DST: variants seen among roughly 807,000 people sequenced by gnomAD.
DST encodes bullous pemphigoid antigen.
DST carries 253 observed loss-of-function variants against 875.2 expected under a neutral mutation model. The ratio of observed to expected loss-of-function variants is 0.29; its 90% CI spans 0.26 to 0.32. The LOEUF (loss-of-function observed/expected upper bound fraction) is 0.32, where lower values mean the gene tolerates loss of function less well. Ranked by LOEUF, DST falls within the 10% of genes least tolerant of loss-of-function variation. The probability of loss-of-function intolerance (pLI) is 1.00; values close to 1 mark genes in which losing one functional copy is unlikely to be tolerated. For synonymous variants in DST, 3,124 were observed against 3,197.1 expected, an observed-to-expected ratio of 0.98 and a Z score of 0.77; for missense variants, 8,287 against 9,111.6, an observed-to-expected ratio of 0.91 and a Z score of 3.68.
rs374983858 is a variant in DST at position 56,628,166 on chromosome 6, G to C, written c.4476-5C>G. ...ATGCCCTCTAAGTCCCGTAACCTAA[G>C]AGAATAGTAACCGAATAGTCACGGT... On this transcript the variant is annotated splice_region_variant and splice_polypyrimidine_tract_variant and intron_variant, in intron 32 of 103. Transcript: ENST00000680361. 18 of 1,612,758 alleles carry C rather than the reference G, an allele frequency of 1.1e-5. No individual in the cohort carries two copies. The highest frequency in any genetic ancestry group is 1.4e-5 in the Non-Finnish European group (16 of 1,178,984).
chr6:56,745,557 G>C (rs1465722821), intron 4 of DST, among the ~76,000 whole-genome samples: 2 of 152,066 alleles, frequency 1.3e-5, no homozygotes, highest in Non-Finnish European at 2.9e-5. Context: ...TAAAATAGTT[G>C]GGTGGGAAGA....
At chr6:56,568,087 C>T (rs1450438569) in intron 55 of DST, among the ~76,000 whole-genome samples, 1 of 152,158 alleles carries the variant, frequency 6.6e-6, no homozygotes, top group Non-Finnish European at 1.5e-5. Context: ...TCTTTCCCAG[C>T]TGCCCAGACT....
intron 4 of DST, among the ~76,000 whole-genome samples, chr6:56,776,344 G>T (rs1419265571): frequency 6.6e-6 from 1 of 152,178 alleles, no homozygotes; most frequent in African/African-American, 2.4e-5. Flanking sequence ...TGGTATCCCG[G>T]ATAGGATGCC....
chr6:56,619,246 T>C lies in DST; in HGVS notation c.4930-4762A>G, dbSNP rs753399512. On this transcript the variant is annotated intron_variant, in intron 36 of 103. Transcript: ENST00000680361. ...GTTTCTCTAAAACTATATTCTCTGA[T>C]TCTGCCTGAATTCTCTGCATCATTA... 1.2e-6 allele frequency: 2 copies of C among 1,613,206 alleles called. No individual in the cohort carries two copies. Among genetic ancestry groups the C allele is most frequent in the Non-Finnish European group, 1.7e-6 (2 of 1,179,912 alleles).
At chr6:56,877,318 C>T (rs1444581419) in intron 3 of DST, among the ~76,000 whole-genome samples, 1 of 152,158 alleles carries the variant, frequency 6.6e-6, no homozygotes, top group African/African-American at 2.4e-5. Context: ...TTTGTGGGGG[C>T]CGAGGTGGGC....
At chr6:56,748,966 T>C (rs1194816338) in intron 4 of DST, among the ~76,000 whole-genome samples, 1 of 152,160 alleles carries the variant, frequency 6.6e-6, no homozygotes, top group East Asian at 1.9e-4. Context: ...GATCAAGCCG[T>C]TCACTAAATA....
At chr6:56,791,107 C>T (rs771893709) in intron 4 of DST, among the ~76,000 whole-genome samples, 2 of 152,210 alleles carry the variant, frequency 1.3e-5, no homozygotes, top group Non-Finnish European at 2.9e-5. Context: ...ATCCATGCTA[C>T]TATGTATCCT....
intron 4 of DST, among the ~76,000 whole-genome samples, chr6:56,806,605 G>A (rs781497070): frequency 3.1e-4 from 47 of 152,142 alleles, no homozygotes; most frequent in Non-Finnish European, 8.8e-5. Context: ...TGACCATAAA[G>A]GGAGCCCTGA....
intron 3 of DST, among the ~76,000 whole-genome samples, chr6:56,879,472 GA>G (rs34105940): frequency 0.042 from 5,811 of 139,964 alleles, 358 homozygotes; most frequent in African/African-American, 0.14. Context: ...CTTCGTCTCG[GA>G]AAAAAAAAAA....
intron 77 of DST, among the ~76,000 whole-genome samples, chr6:56,505,837 A>T (rs944201514): frequency 4.3e-5 from 6 of 140,224 alleles, no homozygotes; most frequent in African/African-American, 1.6e-4. Flanking sequence ...TTTTAATATT[A>T]AAAAAAAACC....
At chr6:56,786,657 CA>C (rs2099706142) in intron 4 of DST, among the ~76,000 whole-genome samples, 2 of 152,168 alleles carry the variant, frequency 1.3e-5, no homozygotes, top group South Asian at 4.1e-4. Flanking sequence ...CTCAGCCTCC[CA>C]AGTAGCTGGG....
chr6:56,477,075 C>T (rs369119328), intron 91 of DST, among the ~76,000 whole-genome samples: 5 of 152,202 alleles, frequency 3.3e-5, no homozygotes, highest in East Asian at 3.9e-4. Context: ...TCAACAGAAA[C>T]AATGTGGAAG....
chr6:56,789,668 C>T (rs2099711751), intron 4 of DST, among the ~76,000 whole-genome samples: 2 of 152,192 alleles, frequency 1.3e-5, no homozygotes, highest in African/African-American at 4.8e-5. Context: ...ACTATGACTA[C>T]TCTAGATGCT....
chr6:56,732,780 A>G (rs544457508), intron 5 of DST, among the ~76,000 whole-genome samples: 31 of 152,368 alleles, frequency 2.0e-4, no homozygotes, highest in Non-Finnish European at 3.8e-4. Flanking sequence ...AAAAGTAAAC[A>G]CAACCCCACA....
intron 2 of DST, among the ~76,000 whole-genome samples, chr6:56,905,700 G>A (rs1166235152): frequency 1.3e-5 from 2 of 150,676 alleles, no homozygotes; most frequent in South Asian, 4.2e-4. Context: ...CCAGGCTGAA[G>A]TGCAATGGCA....
intron 51 of DST, 55 bp from the exon 52 acceptor site, chr6:56,573,119 A>G (rs1291243294): frequency 3.6e-6 from 5 of 1,403,894 alleles, no homozygotes; most frequent in Non-Finnish European, 1.9e-6. Flanking sequence ...AAATAATGTG[A>G]CAGAATTTTT....
intron 4 of DST, among the ~76,000 whole-genome samples, chr6:56,849,945 T>C (rs1424145733): frequency 6.6e-6 from 1 of 152,218 alleles, no homozygotes; most frequent in Non-Finnish European, 1.5e-5. Flanking sequence ...ATCTTCCCTT[T>C]CTGCTGAGTC....
intron 69 of DST, among the ~76,000 whole-genome samples, chr6:56,521,481 A>T (rs1021466019): frequency 0.04 from 607 of 15,208 alleles, 5 homozygotes; most frequent in Non-Finnish European, 0.076. Context: ...TCCCTATTTA[A>T]AAAAAAAAAA....
Position 56,459,178 on chromosome 6 carries a change from C to G in DST, c.23284G>C (p.Asp7762His). ...GACTGGATTTCTGAAATGTCAAAGTCTGATGCATCACTGCCTCGGCGGCTG... is the reference window on the plus strand; with the variant it reads ...GACTGGATTTCTGAAATGTCAAAGTGTGATGCATCACTGCCTCGGCGGCTG... ...ASSRRGSDAS[D>H]FDISEIQSVC... Residue 7762 changes from aspartate to histidine, a missense_variant, in exon 104 of 104, where the codon GAC becomes CAC. Asp to His is a moderately conservative substitution (Grantham distance 81). This residue lies in a region of DST where 240 missense variants were observed against 237.3 expected (regional missense o/e 1.01). Coordinates refer to ENST00000680361, the MANE Select transcript of DST (RefSeq NM_001374736.1). 1 of 1,613,970 alleles carries G rather than the reference C, an allele frequency of 6.2e-7. No individual in the cohort carries two copies. The highest frequency in any genetic ancestry group is 8.5e-7 in the Non-Finnish European group (1 of 1,179,886).
Sources: gnomAD v4.1 joint callset for allele counts (sites outside exome capture counted in the v4.1 genomes callset) on GRCh38, gnomAD v4.1.1 for gene constraint, gnomAD v4.1.1 regional missense constraint, MANE v1.5 for transcripts, NCBI Gene and HGNC (gene_info 2026-07-23, HGNC 2026-07-21) for gene names.